Variants in LRP8 observed in about 807,000 individuals in gnomAD.
LRP8 encodes the protein low-density lipoprotein receptor-related protein 8.
LRP8 carries 46 observed loss-of-function variants against 111.6 expected under a neutral mutation model. The observed-to-expected ratio is 0.41, with a 90% CI of 0.33 to 0.53. The LOEUF (loss-of-function observed/expected upper bound fraction) is 0.53. LRP8 is among the 20% of genes least tolerant of loss of function. LRP8 has a pLI of 0.20. For synonymous variants in LRP8, 464 were observed against 511.2 expected, an observed-to-expected ratio of 0.91 and a Z score of 1.24; for missense variants, 959 against 1,297.4, an observed-to-expected ratio of 0.74 and a Z score of 4.01.
intron 4 of LRP8, among the ~76,000 whole-genome samples, chr1:53,278,005 T>C (rs10788954): frequency 0.54 from 82,682 of 152,018 alleles, 22,988 homozygotes; most frequent in East Asian, 0.76. Flanking sequence ...ATGGCTCTGC[T>C]TGGGGCTCTG....
chr1:53,303,874 C>T lies in LRP8; in HGVS notation c.245-14185G>A, dbSNP rs1329399409. On this transcript the variant is annotated intron_variant, in intron 2 of 18. Transcript: ENST00000306052. The surrounding 1 kb of genome is among the most constrained non-coding windows in gnomAD (Gnocchi z 4.3). ...TGCTGGCTGGAGGCTGAACACGTTC[C>T]TTCCTCTTGAACGGGGAGGGAAATA... 6.6e-6 allele frequency among the ~76,000 whole-genome samples: 1 copy of T among 152,194 alleles called. No homozygotes were observed. The highest frequency in any genetic ancestry group is 1.9e-4 in the East Asian group (1 of 5,180).
intron 3 of LRP8, among the ~76,000 whole-genome samples, chr1:53,289,050 T>C (rs1648139774): frequency 6.6e-6 from 1 of 152,110 alleles, no homozygotes; most frequent in African/African-American, 2.4e-5. Flanking sequence ...GGCCAGAGCC[T>C]CAAAGTCTTG....
rs771071197 is a variant in LRP8 at position 53,243,152 on chromosome 1, C to T, written c.*3866G>A. 4 of 152,280 alleles carry T rather than the reference C, an allele frequency of 2.6e-5. No homozygotes were observed. Among genetic ancestry groups the T allele is most frequent in the East Asian group, 3.9e-4 (2 of 5,188 alleles). The allele number at this position is 152,280 out of a possible 1,614,324, so 9.4% of individuals were successfully genotyped here. On this transcript the variant is annotated 3_prime_UTR_variant, in exon 19 of 19. Coordinates refer to ENST00000306052, the MANE Select transcript of LRP8 (RefSeq NM_004631.5). ...GCTAACTCATTTATATTTTGTGAAA[C>T]GATGAGTGTATGGCTGGAGTTCGGG...
intron 2 of LRP8, 127 bp downstream of exon 2, chr1:53,326,746 G>T: frequency 7.0e-7 from 1 of 1,427,390 alleles, no homozygotes; most frequent in Non-Finnish European, 9.2e-7. Context: ...TTTCCCGGTC[G>T]CAGGCTCCGG....
At chr1:53,315,603 G>A (rs904561320) in intron 2 of LRP8, among the ~76,000 whole-genome samples, 15 of 152,202 alleles carry the variant, frequency 9.9e-5, no homozygotes, top group Admixed American at 5.9e-4. Context: ...TATCCATGTC[G>A]TGATAGATCC....
intron 2 of LRP8, among the ~76,000 whole-genome samples, chr1:53,312,311 CCT>C (rs1397124310): frequency 3.9e-5 from 6 of 152,308 alleles, no homozygotes; most frequent in African/African-American, 1.4e-4. Flanking sequence ...CTTCCAAGAT[CCT>C]CTGTTTCTTT....
chr1:53,311,610 TGTGCTCCCCAGC>T (rs1362709051), intron 2 of LRP8, among the ~76,000 whole-genome samples: 2 of 124,296 alleles, frequency 1.6e-5, no homozygotes, highest in African/African-American at 1.3e-4. Context: ...GCCTCCCCAG[TGTGCTCCCCAGC>T]CCACCCCATC....
chr1:53,286,892 C>T (rs542195476), intron 3 of LRP8, among the ~76,000 whole-genome samples: 4 of 152,258 alleles, frequency 2.6e-5, no homozygotes, highest in South Asian at 2.1e-4. Flanking sequence ...TTTACTCCAG[C>T]GATGATACTT....
chr1:53,249,283 C>A lies in LRP8; in HGVS notation c.2853+97G>T. On this transcript the variant is annotated intron_variant, in intron 18 of 18. Transcript: ENST00000306052. This position sits in a 1 kb window ranked among gnomAD's most constrained non-coding sequence, Gnocchi z 4.1. ...CCAACACCCAGCTTACAATTTGCAG[C>A]CTTCCCAAACCAGAAAGCCTTCTAG... 2 of 1,366,940 alleles carry A rather than the reference C, an allele frequency of 1.5e-6. No individual in the cohort carries two copies. The highest frequency in any genetic ancestry group is 2.0e-6 in the Non-Finnish European group (2 of 998,332). 84.7% of individuals were successfully genotyped at this position (1,366,940 alleles called of 1,614,324 possible). A position where few individuals can be genotyped will look rare whatever the true frequency, so the allele number is the denominator to read the frequency against.
chr1:53,327,541 C>CG, intron 1 of LRP8: 1 of 458,146 alleles, frequency 2.2e-6, no homozygotes, highest in Non-Finnish European at 3.5e-6. Context: ...CAAAGTTCCC[C>CG]GCTGGCCAAG....
chr1:53,260,761 T>C (rs1218111477), intron 12 of LRP8, among the ~76,000 whole-genome samples, 156 bp from the exon 13 acceptor site: 1 of 152,200 alleles, frequency 6.6e-6, no homozygotes, highest in African/African-American at 2.4e-5. Context: ...CAGCCTCTAA[T>C]CTGTGATGCA....
intron 10 of LRP8, among the ~76,000 whole-genome samples, chr1:53,263,478 G>C (rs1260554674): frequency 6.6e-6 from 1 of 152,212 alleles, no homozygotes; most frequent in African/African-American, 2.4e-5. Context: ...ACCATCTCAA[G>C]ATATCCACAC....
chr1:53,318,419 G>C (rs552385833), intron 2 of LRP8, among the ~76,000 whole-genome samples: 2 of 152,206 alleles, frequency 1.3e-5, no homozygotes, highest in East Asian at 3.9e-4. Context: ...CGCTGGAAAG[G>C]AGAGCCATGG....
Position 53,249,471 on chromosome 1 carries a change from T to C in LRP8, c.2762A>G (p.Lys921Arg), listed in dbSNP as rs1409234081. 8 of 1,614,150 alleles carry C rather than the reference T, an allele frequency of 5.0e-6. No homozygotes were observed. Among genetic ancestry groups the C allele is most frequent in the Non-Finnish European group, 5.9e-6 (7 of 1,179,972 alleles). Residue 921 changes from lysine to arginine, a missense_variant, in exon 18 of 19, where the codon AAG becomes AGG. Lys to Arg is a conservative substitution (Grantham distance 26). Coordinates refer to ENST00000306052, the MANE Select transcript of LRP8 (RefSeq NM_004631.5). This position sits in a 1 kb window ranked among gnomAD's most constrained non-coding sequence, Gnocchi z 4.1. ...TTCCCCCGGCAAGACAAAAAGCTCC[T>C]TGAGGGCAGGGGCTGGGTCTTCCGG... ...REPEDPAPAL[K>R]ELFVLPGEPR...
chr1:53,324,935 T>C (rs1439224501), intron 2 of LRP8, among the ~76,000 whole-genome samples: 1 of 152,248 alleles, frequency 6.6e-6, no homozygotes, highest in Non-Finnish European at 1.5e-5. Context: ...CATAAGTCAC[T>C]CAACTTCTCT....
At chr1:53,273,935 A>G (rs1285251603) in intron 6 of LRP8, among the ~76,000 whole-genome samples, 1 of 151,802 alleles carries the variant, frequency 6.6e-6, no homozygotes, top group East Asian at 2.0e-4. Flanking sequence ...TCTCTGTCAA[A>G]TCTCCCTCAA....
At chr1:53,289,477 G>GT in intron 3 of LRP8, 90 bp downstream of exon 3, 1 of 1,488,338 alleles carries the variant, frequency 6.7e-7, no homozygotes, top group Non-Finnish European at 9.0e-7. Flanking sequence ...TGTTCAACTG[G>GT]TTACCTCTCC....
In LRP8 at chr1:53,324,476, C is replaced by T. The variant is rs372201771; in HGVS notation, c.244+2397G>A. 2.0e-5 allele frequency among the ~76,000 whole-genome samples: 3 copies of T among 152,172 alleles called. No homozygotes were observed. The South Asian group carries it at 6.2e-4, about 32-fold the overall frequency. On this transcript the variant is annotated intron_variant, in intron 2 of 18. Transcript: ENST00000306052. Reference sequence around the variant, plus strand: ...CCTGTGTGTCTATGTGCACAGCCAGCGTTGGAGGGACAGCTGCCCCTGTTT... The same window carrying T: ...CCTGTGTGTCTATGTGCACAGCCAGTGTTGGAGGGACAGCTGCCCCTGTTT...
chr1:53,257,403 G>T lies in LRP8; in HGVS notation c.2271C>A (p.Thr757=), dbSNP rs764704853. 1 of 1,614,042 alleles carries T rather than the reference G, an allele frequency of 6.2e-7. No homozygotes were observed. The highest frequency in any genetic ancestry group is 1.1e-5 in the South Asian group (1 of 91,074). Residue 757 remains threonine, a synonymous_variant, in exon 15 of 19, where the codon ACC becomes ACA. Transcript: ENST00000306052. Reference sequence around the variant, plus strand: ...GGACGGTGGTCCCGGGGGCTCTTGTGGTGGCAGGTACTGTCCTCGTCATGG... The same window carrying T: ...GGACGGTGGTCCCGGGGGCTCTTGTTGTGGCAGGTACTGTCCTCGTCATGG... ...ASTMTRTVPA[T]TRAPGTTVHR...
Sources: allele counts gnomAD v4.1 joint callset (sites outside exome capture counted in the v4.1 genomes callset), GRCh38; gene constraint gnomAD v4.1.1; non-coding constraint Gnocchi (gnomAD v3.1); transcripts MANE v1.5; gene names NCBI Gene and HGNC (gene_info 2026-07-23, HGNC 2026-07-21).